Variants in CORIN observed in about 807,000 individuals in gnomAD.
CORIN encodes corin, serine peptidase.
A neutral mutation model predicts 125.3 loss-of-function variants in CORIN; 117 were observed. The ratio of observed to expected loss-of-function variants is 0.93; its 90% CI spans 0.80 to 1.09. The LOEUF is 1.09. Ranked by LOEUF, CORIN falls within the 50% of genes least tolerant of loss-of-function variation. CORIN has a pLI of 0.00. For missense variants in CORIN, 1,253 were observed against 1,306.7 expected, an observed-to-expected ratio of 0.96 and a Z score of 0.63; for synonymous variants, 450 against 466.4, an observed-to-expected ratio of 0.96 and a Z score of 0.45.
intron 1 of CORIN, among the ~76,000 whole-genome samples, chr4:47,816,540 C>A (rs1732276212): frequency 6.6e-6 from 1 of 152,162 alleles, no homozygotes; most frequent in South Asian, 2.1e-4. Context: ...TACAGCTTCA[C>A]AGGTGACTTC....
In CORIN at chr4:47,653,615, A is replaced by G. The variant is rs1434657229; in HGVS notation, c.1781T>C (p.Leu594Pro). Residue 594 changes from leucine to proline, a missense_variant, in exon 13 of 22, where the codon CTG (leucine) becomes CCG (proline). Transcript: ENST00000273857. The part of the protein sequence containing the change: ...HFKCRSGQCV[L>P]ASRRCDGQAD... ...CTGGCCATCACATCTTCTGGAAGCC[A>G]GAACACACTGTCCTGAGCGGCACTT... The G allele has an allele frequency of 6.2e-7, 1 of 1,614,172 alleles. No homozygotes were observed. The highest frequency in any genetic ancestry group is 8.5e-7 in the Non-Finnish European group (1 of 1,179,986).
At chr4:47,624,230 T>C (rs1722459714) in intron 17 of CORIN, among the ~76,000 whole-genome samples, 1 of 152,192 alleles carries the variant, frequency 6.6e-6, no homozygotes, top group South Asian at 2.1e-4. Context: ...AATTTCACAT[T>C]TGTGGGAAAA....
At chr4:47,724,095 T>C (rs1324696420) in intron 5 of CORIN, among the ~76,000 whole-genome samples, 1 of 151,546 alleles carries the variant, frequency 6.6e-6, no homozygotes, top group Non-Finnish European at 1.5e-5. Context: ...GATGTTGAAA[T>C]TATTGAACAA....
intron 1 of CORIN, among the ~76,000 whole-genome samples, chr4:47,822,500 G>T (rs1732562056): frequency 6.6e-6 from 1 of 152,114 alleles, no homozygotes; most frequent in Non-Finnish European, 1.5e-5. Context: ...ATTACATTTG[G>T]TTTTCACGTC....
intron 1 of CORIN, among the ~76,000 whole-genome samples, chr4:47,828,929 C>T (rs1168474463): frequency 4.6e-5 from 7 of 151,824 alleles, no homozygotes; most frequent in Non-Finnish European, 1.0e-4. Flanking sequence ...GAGGCCGAGG[C>T]GGACGGATCA....
intron 3 of CORIN, among the ~76,000 whole-genome samples, chr4:47,778,237 T>A (rs1332140915): frequency 2.0e-5 from 3 of 152,226 alleles, no homozygotes; most frequent in African/African-American, 7.2e-5. Flanking sequence ...ACTGTTTGAC[T>A]CTCACTTGCT....
chr4:47,762,096 G>A (rs1729490262), intron 4 of CORIN, among the ~76,000 whole-genome samples: 1 of 151,754 alleles, frequency 6.6e-6, no homozygotes, highest in Non-Finnish European at 1.5e-5. Flanking sequence ...GTATATATAT[G>A]TACACACATA....
chr4:47,829,015 G>A (rs1328602824), intron 1 of CORIN, among the ~76,000 whole-genome samples: 2 of 151,780 alleles, frequency 1.3e-5, no homozygotes, highest in African/African-American at 2.4e-5. Flanking sequence ...AAAATTAGCC[G>A]GGCATGGTGG....
chr4:47,764,669 C>T (rs1729625417), intron 3 of CORIN, among the ~76,000 whole-genome samples: 2 of 152,080 alleles, frequency 1.3e-5, no homozygotes, highest in South Asian at 2.1e-4. Context: ...GATCTGAAAC[C>T]TATGTCTTCT....
At position 47,661,752 on chromosome 4, in the gene CORIN, G is replaced by A; in HGVS notation, c.1694C>T (p.Ser565Leu). 6.2e-7 allele frequency: 1 copy of A among 1,613,518 alleles called. No homozygotes were observed. The highest frequency in any genetic ancestry group is 8.5e-7 in the Non-Finnish European group (1 of 1,179,650). ...AGGCATCAGGCAGGTTTGATTGTCT[G>A]AATTTTCCTCTGGAAATTGACTGCA... Reference protein sequence around the residue: ...TDCSQFPEENSDNQTCLMPDE... With the variant: ...TDCSQFPEENLDNQTCLMPDE... The change falls in exon 12 of 22, where the codon TCA becomes TTA. Residue 565 changes from serine to leucine, a missense_variant. Ser to Leu is a moderately radical substitution (Grantham distance 145). Transcript: ENST00000273857.
chr4:47,738,341 A>G (rs1346000703), intron 5 of CORIN, among the ~76,000 whole-genome samples: 1 of 152,176 alleles, frequency 6.6e-6, no homozygotes, highest in African/African-American at 2.4e-5. Flanking sequence ...CTGCTACAGT[A>G]CTGACTATGC....
At chr4:47,778,105 T>G (rs1021240581) in intron 3 of CORIN, among the ~76,000 whole-genome samples, 7 of 152,242 alleles carry the variant, frequency 4.6e-5, no homozygotes, top group Non-Finnish European at 1.0e-4. Flanking sequence ...GCTACTGTTT[T>G]GCTTGTTTTC....
chr4:47,663,692 G>A (rs1373454690), intron 11 of CORIN, among the ~76,000 whole-genome samples: 12 of 152,098 alleles, frequency 7.9e-5, no homozygotes, highest in Admixed American at 7.9e-4. Context: ...TGAAAAGAAA[G>A]TCAAATGCCA....
chr4:47,706,387 T>C, intron 5 of CORIN: 3 of 1,607,686 alleles, frequency 1.9e-6, no homozygotes, highest in Non-Finnish European at 2.6e-6. Flanking sequence ...TGCATACAAG[T>C]ATATCCAGGA....
At chr4:47,660,186 T>C (rs543499363) in intron 12 of CORIN, among the ~76,000 whole-genome samples, 13 of 152,138 alleles carry the variant, frequency 8.5e-5, no homozygotes, top group South Asian at 2.1e-4. Flanking sequence ...AAAAATCAAA[T>C]CAAAATGAAT....
Position 47,806,937 on chromosome 4 carries a change from G to A in CORIN, c.174C>T (p.Leu58=), listed in dbSNP as rs770622471. 1.5e-5 allele frequency: 25 copies of A among 1,613,564 alleles called. No individual in the cohort carries two copies. In the East Asian group the frequency reaches 2.7e-4, roughly 17 times the overall value. The change falls in exon 2 of 22, where the codon CTC becomes CTT. Residue 58 remains leucine, a synonymous_variant. Transcript: ENST00000273857. ...LLVLIPCICA[L]VLLLVILLSY... The stretch of plus-strand genomic sequence containing the variant: ...AAAGCAGGATCACCAGCAAGAGAAC[G>A]AGAGCACAGATACATGGAATCAGGA...
At chr4:47,746,464 G>C (rs1402875110) in intron 4 of CORIN, among the ~76,000 whole-genome samples, 1 of 152,114 alleles carries the variant, frequency 6.6e-6, no homozygotes, top group East Asian at 1.9e-4. Flanking sequence ...GATTGACCCA[G>C]GACCTATTCT....
intron 1 of CORIN, among the ~76,000 whole-genome samples, chr4:47,823,941 A>C (rs570432361): frequency 6.6e-6 from 1 of 151,554 alleles, no homozygotes; most frequent in South Asian, 2.1e-4. Context: ...GCACCAACAT[A>C]CTCTGCTGGC....
chr4:47,632,427 T>C (rs765967906), intron 16 of CORIN: 3 of 152,236 alleles, frequency 2.0e-5, no homozygotes, highest in Non-Finnish European at 2.9e-5. Context: ...AAATCTCTTC[T>C]TGAATCTTGT....
Sources: allele counts gnomAD v4.1 joint callset (sites outside exome capture counted in the v4.1 genomes callset), GRCh38; gene constraint gnomAD v4.1.1; transcripts MANE v1.5; gene names NCBI Gene and HGNC (gene_info 2026-07-23, HGNC 2026-07-21).